FOCAD: variants seen among roughly 807,000 people sequenced by gnomAD.
The protein encoded by FOCAD is KIAA1797.
A neutral mutation model predicts 225.6 loss-of-function variants in FOCAD; 198 were observed. The ratio of observed to expected loss-of-function variants is 0.88; its 90% CI spans 0.78 to 0.99. FOCAD has a LOEUF of 0.99. Among genes scored for constraint, FOCAD ranks in the 50% least tolerant of loss-of-function variants. The pLI, the probability that FOCAD is intolerant of heterozygous loss-of-function variation, is 0.00. For missense variants in FOCAD, 2,713 were observed against 2,123.6 expected, an observed-to-expected ratio of 1.28 and a Z score of -5.46; for synonymous variants, 897 against 755.0, an observed-to-expected ratio of 1.19 and a Z score of -3.08.
chr9:20,668,471 C>G (rs1305633890), intron 2 of FOCAD, among the ~76,000 whole-genome samples: 1 of 152,198 alleles, frequency 6.6e-6, no homozygotes. Flanking sequence ...TTACAAACAG[C>G]TAACTATTGT....
intron 36 of FOCAD, among the ~76,000 whole-genome samples, chr9:20,977,625 G>C (rs1840333489): frequency 6.6e-6 from 1 of 152,192 alleles, no homozygotes; most frequent in Non-Finnish European, 1.5e-5. Flanking sequence ...ATTTATAGTA[G>C]AGTGCATACT....
intron 5 of FOCAD, among the ~76,000 whole-genome samples, chr9:20,751,803 A>G (rs992032318): frequency 3.4e-5 from 5 of 147,968 alleles, no homozygotes; most frequent in South Asian, 2.2e-4. Context: ...ATTACTCCAC[A>G]TCCTCTCCAG....
intron 1 of FOCAD, among the ~76,000 whole-genome samples, chr9:20,701,555 GA>G (rs1823947943): frequency 6.6e-6 from 1 of 152,184 alleles, no homozygotes; most frequent in Admixed American, 6.5e-5. Context: ...AAGAAGTATA[GA>G]TTTACTACAG....
intron 7 of FOCAD, 32 bp downstream of exon 7, chr9:20,765,105 G>C (rs1020896433): frequency 1.3e-6 from 2 of 1,567,150 alleles, no homozygotes; most frequent in African/African-American, 1.4e-5. Flanking sequence ...ACAAATATAG[G>C]TCAGCATCAG....
intron 15 of FOCAD, among the ~76,000 whole-genome samples, chr9:20,825,554 T>G (rs1230168421): frequency 6.6e-6 from 1 of 152,098 alleles, no homozygotes; most frequent in African/African-American, 2.4e-5. Flanking sequence ...TAAAACAAAT[T>G]AATAAAGATA....
chr9:20,781,773 C>G lies in FOCAD; in HGVS notation c.1041C>G (p.Ser347=), dbSNP rs780869028. Reference sequence around the variant, plus strand: ...CTGAGGATCAGAAAATCCCAAAGTCCTCTCTGCTGCTAGTGATGCCAATTC... The same window carrying G: ...CTGAGGATCAGAAAATCCCAAAGTCGTCTCTGCTGCTAGTGATGCCAATTC... ...SVTEDQKIPK[S]SLLLVMPILQ... The change falls in exon 10 of 44, where the codon TCC becomes TCG. Residue 347 remains serine, a synonymous_variant. Transcript: ENST00000338382. 2.2e-5 allele frequency: 35 copies of G among 1,613,930 alleles called. 1 individual carries two copies. In the African/African-American group the frequency reaches 4.5e-4, roughly 21 times the overall value.
chr9:20,860,869 C>T (rs1163291753), intron 15 of FOCAD, among the ~76,000 whole-genome samples: 4 of 152,236 alleles, frequency 2.6e-5, no homozygotes, highest in Non-Finnish European at 5.9e-5. Context: ...CTTGAAATCT[C>T]TAAAGCCTAC....
At chr9:20,781,987 T>C in intron 10 of FOCAD, 58 bp downstream of exon 10, 1 of 1,475,038 alleles carries the variant, frequency 6.8e-7, no homozygotes, top group South Asian at 1.2e-5. Context: ...TTTCGGTCTT[T>C]ACGGATAATC....
At chr9:20,850,570 T>C (rs144772474) in intron 15 of FOCAD, among the ~76,000 whole-genome samples, 13 of 151,976 alleles carry the variant, frequency 8.6e-5, no homozygotes, top group African/African-American at 3.1e-4. Context: ...GCAGTCTTTA[T>C]ACTTCTTAAA....
At chr9:20,685,624 GC>G (rs1469321226) in intron 1 of FOCAD, among the ~76,000 whole-genome samples, 2 of 152,132 alleles carry the variant, frequency 1.3e-5, no homozygotes, top group African/African-American at 4.8e-5. Context: ...TGAAACAATT[GC>G]ATAAAAATGC....
At chr9:20,810,656 G>A (rs1426894030) in intron 11 of FOCAD, among the ~76,000 whole-genome samples, 1 of 152,014 alleles carries the variant, frequency 6.6e-6, no homozygotes, top group East Asian at 1.9e-4. Flanking sequence ...TATTGGTAAT[G>A]TAGCCAACCA....
intron 31 of FOCAD, 49 bp from the exon 32 acceptor site, chr9:20,948,802 A>T (rs968288108): frequency 3.1e-6 from 5 of 1,595,008 alleles, no homozygotes; most frequent in East Asian, 2.2e-5. Flanking sequence ...ATAGAATCTA[A>T]ACCCAAGGAC....
At chr9:20,746,421 G>A (rs1828042607) in intron 5 of FOCAD, among the ~76,000 whole-genome samples, 2 of 152,038 alleles carry the variant, frequency 1.3e-5, no homozygotes, top group Admixed American at 6.6e-5. Flanking sequence ...GGCAAAGACC[G>A]GGTTTTACTT....
intron 11 of FOCAD, among the ~76,000 whole-genome samples, chr9:20,801,195 G>A (rs1279753553): frequency 6.6e-6 from 1 of 152,044 alleles, no homozygotes; most frequent in African/African-American, 2.4e-5. Context: ...GACACAGCAT[G>A]TTTTAATATA....
chr9:20,884,788 G>A (rs554038874), intron 20 of FOCAD, among the ~76,000 whole-genome samples: 50 of 151,924 alleles, frequency 3.3e-4, no homozygotes, highest in Admixed American at 2.9e-3. Flanking sequence ...TAAGCTGGGC[G>A]CGGTGGCTCA....
At chr9:20,885,380 T>G (rs1203814338) in intron 21 of FOCAD, 150 bp downstream of exon 21, 12 of 618,418 alleles carry the variant, frequency 1.9e-5, no homozygotes, top group Non-Finnish European at 2.8e-5. Flanking sequence ...AACTGAATAC[T>G]CAAATATTTC....
chr9:20,876,391 C>T (rs568351454), intron 19 of FOCAD, among the ~76,000 whole-genome samples: 1 of 151,906 alleles, frequency 6.6e-6, no homozygotes, highest in Non-Finnish European at 1.5e-5. Flanking sequence ...TTCACTTGTA[C>T]ATGTATCCCC....
At chr9:20,817,943 C>T (rs1051026635) in intron 11 of FOCAD, among the ~76,000 whole-genome samples, 2 of 152,066 alleles carry the variant, frequency 1.3e-5, no homozygotes, top group South Asian at 4.1e-4. Context: ...CTATGTTTAC[C>T]TATTTAAGAA....
intron 15 of FOCAD, among the ~76,000 whole-genome samples, chr9:20,853,767 T>C (rs2131635579): frequency 6.6e-6 from 1 of 151,908 alleles, no homozygotes. Context: ...GCCTTGATAA[T>C]AAACTAGTCT....
Sources: gnomAD v4.1 joint callset for allele counts (sites outside exome capture counted in the v4.1 genomes callset) on GRCh38, gnomAD v4.1.1 for gene constraint, MANE v1.5 for transcripts, NCBI Gene and HGNC (gene_info 2026-07-23, HGNC 2026-07-21) for gene names.